Variants in EMX1 observed in about 807,000 individuals in gnomAD.
The protein encoded by EMX1 is empty spiracles homeobox 1.
In EMX1, 10 loss-of-function variants were observed where a neutral mutation model predicts 20.1. The ratio of observed to expected loss-of-function variants is 0.50; its 90% CI spans 0.31 to 0.84. EMX1 has a LOEUF of 0.84. EMX1 is among the 40% of genes least tolerant of loss of function. The pLI, the probability that EMX1 is intolerant of heterozygous loss-of-function variation, is 0.05. For synonymous variants in EMX1, 250 were observed against 200.4 expected (o/e 1.25, Z -2.09); for missense variants, 424 against 431.9 (o/e 0.98, Z 0.16).
At chr2:72,916,342 C>T (rs952240686), upstream of EMX1, 1 of 336,532 alleles carries the variant, frequency 3.0e-6, no homozygotes, top group African/African-American at 2.2e-5. Context: ...GCGCTCAGGC[C>T]GCTAGAATGG....
At chr2:72,929,979 A>G (rs372404018) in intron 2 of EMX1, among the ~76,000 whole-genome samples, 7 of 152,296 alleles carry the variant, frequency 4.6e-5, no homozygotes, top group Non-Finnish European at 1.0e-4. Flanking sequence ...AATCCAATTT[A>G]CCATGTGGAA....
Position 72,934,102 on chromosome 2 carries a change from G to A in EMX1, c.*148G>A, listed in dbSNP as rs538907342. On this transcript the variant is annotated 3_prime_UTR_variant, in exon 3 of 3. Transcript: ENST00000258106. ...CCCACAGGGCTTGAAGCCCGGGGCC[G>A]CCATTGACAGAGGGACAAGCAATGG... The A allele has an allele frequency of 2.7e-5, 31 of 1,130,218 alleles. No individual in the cohort carries two copies. The highest frequency in any genetic ancestry group is 1.4e-4 in the African/African-American group (9 of 63,532). The allele number at this position is 1,130,218 out of a possible 1,614,324, so 70.0% of individuals were successfully genotyped here.
chr2:72,922,726 G>T (rs1671125081), intron 1 of EMX1, among the ~76,000 whole-genome samples: 1 of 152,258 alleles, frequency 6.6e-6, no homozygotes, highest in Admixed American at 6.5e-5. Flanking sequence ...TCCACCAACA[G>T]AGGGACAAGA....
Position 72,933,947 on chromosome 2 carries a change from A to G in EMX1, c.866A>G (p.Asn289Ser), listed in dbSNP as rs1409082113. Residue 289 changes from asparagine to serine, a missense_variant, in exon 3 of 3, where the codon AAT becomes AGT. Transcript: ENST00000258106. ...ANGEDIDVTS[N>S]D Reference sequence around the variant, plus strand: ...GGGGAGGACATCGATGTCACCTCCAATGACTAGGGTGGGCAACCACAAACC... The same window carrying G: ...GGGGAGGACATCGATGTCACCTCCAGTGACTAGGGTGGGCAACCACAAACC... The G allele has an allele frequency of 3.1e-6, 5 of 1,614,106 alleles. No individual in the cohort carries two copies. Among genetic ancestry groups the G allele is most frequent in the African/African-American group, 1.3e-5 (1 of 74,966 alleles).
upstream of EMX1, chr2:72,916,460 T>A (rs567368585): frequency 1.9e-5 from 11 of 579,404 alleles, no homozygotes; most frequent in African/African-American, 2.1e-4. Context: ...CTCCTAGGCC[T>A]CGGAGCGGCG....
At position 72,919,180 on chromosome 2, in the gene EMX1, TACACACACACACAC is replaced by T. The variant is rs70963149; in HGVS notation, c.520+833_520+846del. Among the ~76,000 whole-genome samples the T allele has an allele frequency of 8.6e-4, 122 of 142,614 alleles. No homozygotes were observed. The East Asian group carries it at 0.021, about 25-fold the overall frequency. The allele number at this position is 142,614 out of a possible 152,430, so 93.6% of individuals were successfully genotyped here. On this transcript the variant is annotated intron_variant, in intron 1 of 2. Transcript: ENST00000258106. ...GCTAATAAAGATCCTCCACTGGCCCTACACACACACACACACACACACACACACACACACACACG... is the reference window on the plus strand; with the variant it reads ...GCTAATAAAGATCCTCCACTGGCCCTACACACACACACACACACACACACG...
chr2:72,923,289 CAGT>C (rs1671133278), intron 1 of EMX1: 1 of 152,136 alleles, frequency 6.6e-6, no homozygotes, highest in Non-Finnish European at 1.5e-5. Flanking sequence ...GGAAAAAAGA[CAGT>C]AGGGAGGCTG....
In EMX1 at chr2:72,930,952, C is replaced by G. The variant is rs1671270426; in HGVS notation, c.706-2835C>G. On this transcript the variant is annotated intron_variant, in intron 2 of 2. Coordinates refer to ENST00000258106, the MANE Select transcript of EMX1 (RefSeq NM_004097.3). The surrounding 1 kb of genome is among the most constrained non-coding windows in gnomAD (Gnocchi z 4.4). ...GATTTTGTTTTTCTATGGTTGTGAT[C>G]ACACTGTGCCAGCCTTGTGCATCCT... is the stretch of plus-strand genomic sequence containing the variant. Among the ~76,000 whole-genome samples the G allele has an allele frequency of 1.3e-5, 2 of 150,690 alleles. No homozygotes were observed.
Position 72,918,380 on chromosome 2 carries a change from T to C in EMX1, c.520+8T>C. On this transcript the variant is annotated splice_region_variant and intron_variant, in intron 1 of 2. Transcript: ENST00000258106. ...TCGGCCACCGCTTCCAGGGTGAGTG[T>C]CCACGCTGTGCCCGCCGAGGCGGCC... The C allele has an allele frequency of 7.2e-7, 1 of 1,392,086 alleles. No individual in the cohort carries two copies. Among genetic ancestry groups the C allele is most frequent in the East Asian group, 3.1e-5 (1 of 32,614 alleles). 86.2% of individuals were successfully genotyped at this position (1,392,086 alleles called of 1,614,324 possible). A position where few individuals can be genotyped will look rare whatever the true frequency, so the allele number is the denominator to read the frequency against.
At chr2:72,921,431 AAC>A (rs1671102677) in intron 1 of EMX1, among the ~76,000 whole-genome samples, 1 of 152,178 alleles carries the variant, frequency 6.6e-6, no homozygotes, top group African/African-American at 2.4e-5. Flanking sequence ...AGGCAAGGGA[AAC>A]TGAACCCCTG....
At chr2:72,918,978 G>A (rs1671049827) in intron 1 of EMX1, among the ~76,000 whole-genome samples, 1 of 152,246 alleles carries the variant, frequency 6.6e-6, no homozygotes, top group Non-Finnish European at 1.5e-5. Flanking sequence ...TCCTACCCAA[G>A]GTGGGGAAGG....
upstream of EMX1, chr2:72,917,137 A>G (rs1559056044): frequency 4.9e-6 from 3 of 614,516 alleles, no homozygotes; most frequent in Non-Finnish European, 9.0e-6. Context: ...TTGGACCCCA[A>G]ACATCCACCC....
chr2:72,925,428 G>C, intron 2 of EMX1: 1 of 1,284,386 alleles, frequency 7.8e-7, no homozygotes, highest in Non-Finnish European at 1.0e-6. Context: ...ATAAGCTCTT[G>C]GTCCACCCAG....
At chr2:72,924,024 T>G (rs918681618) in intron 1 of EMX1, 2 of 560,926 alleles carry the variant, frequency 3.6e-6, no homozygotes, top group African/African-American at 3.8e-5. Context: ...TCGTCCGGCC[T>G]GCCCCATCTC....
chr2:72,921,082 C>A (rs1671095699), intron 1 of EMX1, among the ~76,000 whole-genome samples: 1 of 152,170 alleles, frequency 6.6e-6, no homozygotes, highest in Non-Finnish European at 1.5e-5. Flanking sequence ...GGCGGCCTCT[C>A]CAGCGAAGAC....
chr2:72,924,331 G>A lies in EMX1; in HGVS notation c.543G>A (p.Gly181=). The change falls in exon 2 of 3, where the codon GGG becomes GGA. Residue 181 remains glycine, a synonymous_variant. Transcript: ENST00000258106. ...RFQASDVPQD[G]LLLHGPFARK... is the part of the protein sequence containing the mutation. ...CAGCCAGCGACGTGCCCCAGGACGG[G>A]CTGCTTCTGCACGGCCCCTTCGCAC... 2 of 1,574,644 alleles carry A rather than the reference G, an allele frequency of 1.3e-6. No individual in the cohort carries two copies. The highest frequency in any genetic ancestry group is 2.3e-5 in the East Asian group (1 of 43,722).
chr2:72,923,925 A>G, intron 1 of EMX1: 1 of 321,334 alleles, frequency 3.1e-6, no homozygotes, highest in Non-Finnish European at 5.9e-6. Context: ...CGCCCCTGGG[A>G]AAGGGCGGAG....
At position 72,934,891 on chromosome 2, in the gene EMX1, C is replaced by T. The variant is rs1304917614; in HGVS notation, c.*937C>T. The T allele has an allele frequency of 6.6e-6, 1 of 152,216 alleles. No individual in the cohort carries two copies. Among genetic ancestry groups the T allele is most frequent in the Non-Finnish European group, 1.5e-5 (1 of 68,080 alleles). The allele number at this position is 152,216 out of a possible 1,614,324, so 9.4% of individuals were successfully genotyped here. A position where few individuals can be genotyped will look rare whatever the true frequency, so the allele number is the denominator to read the frequency against. On this transcript the variant is annotated 3_prime_UTR_variant, in exon 3 of 3. Coordinates refer to ENST00000258106, the MANE Select transcript of EMX1 (RefSeq NM_004097.3). ...AGCCTGCAACCAGTCCCCAGTGACTCAGGGCCTCCTCAGCCCAAGAAAGAG... is the reference window on the plus strand; with the variant it reads ...AGCCTGCAACCAGTCCCCAGTGACTTAGGGCCTCCTCAGCCCAAGAAAGAG...
intron 2 of EMX1, 192 bp from the exon 3 acceptor site, chr2:72,933,595 C>G (rs1671318169): frequency 1.6e-6 from 1 of 633,082 alleles, no homozygotes; most frequent in Non-Finnish European, 2.7e-6. Flanking sequence ...TCTTCCTGCC[C>G]TGCCATCCCC....
Sources: allele counts gnomAD v4.1 joint callset (sites outside exome capture counted in the v4.1 genomes callset), GRCh38; gene constraint gnomAD v4.1.1; non-coding constraint Gnocchi (gnomAD v3.1); transcripts MANE v1.5; gene names NCBI Gene and HGNC (gene_info 2026-07-23, HGNC 2026-07-21).